LAMTOR2: variants seen among roughly 807,000 people sequenced by gnomAD.
LAMTOR2 encodes ragulator complex protein LAMTOR2.
In LAMTOR2, 4 loss-of-function variants were observed where a neutral mutation model predicts 15.8. That is an observed-to-expected ratio of 0.25 (90% CI 0.12 to 0.58). The LOEUF (loss-of-function observed/expected upper bound fraction) is 0.58. LAMTOR2 is among the 20% of genes least tolerant of loss of function. LAMTOR2 has a pLI of 0.91. For synonymous variants in LAMTOR2, 62 were observed against 64.1 expected, an observed-to-expected ratio of 0.97 and a Z score of 0.15; for missense variants, 100 against 161.0, an observed-to-expected ratio of 0.62 and a Z score of 2.05.
chr1:156,057,942 G>A (rs765662684), intron 2 of LAMTOR2, 36 bp from the exon 3 acceptor site: 14 of 1,598,550 alleles, frequency 8.8e-6, no homozygotes, highest in Non-Finnish European at 1.2e-5. Flanking sequence ...AGGGTGCCAA[G>A]CAGAACATCA....
intron 3 of LAMTOR2, 53 bp downstream of exon 3, chr1:156,058,120 C>T (rs1647432808): frequency 6.4e-7 from 1 of 1,553,596 alleles, no homozygotes; most frequent in African/African-American, 1.4e-5. Flanking sequence ...CGTGCTTCTA[C>T]ACTGTGTTCA....
In LAMTOR2 at chr1:156,055,773, C is replaced by A; in HGVS notation, c.231+348C>A. 1 of 357,250 alleles carries A rather than the reference C, an allele frequency of 2.8e-6. No individual in the cohort carries two copies. The highest frequency in any genetic ancestry group is 5.4e-6 in the Non-Finnish European group (1 of 185,086). 22.1% of individuals were successfully genotyped at this position (357,250 alleles called of 1,614,324 possible). The stretch of plus-strand genomic sequence containing the variant: ...TCCCCTCATGGGTTGTTGTGAAGGT[C>A]AGATGAAATAATGGGTATAAACAGT... On this transcript the variant is annotated intron_variant, in intron 2 of 3. Transcript: ENST00000368305. The surrounding 1 kb of genome is among the most constrained non-coding windows in gnomAD (Gnocchi z 4.8).
In LAMTOR2 at chr1:156,058,002, G is replaced by A. The variant is rs1647429432; in HGVS notation, c.256G>A (p.Val86Met). Reference sequence around the variant, plus strand: ...GGAGGGCCGTGTAGCCATCACCCGAGTGGCCAACCTTCTGCTGTGTATGTA... The same window carrying A: ...GGAGGGCCGTGTAGCCATCACCCGAATGGCCAACCTTCTGCTGTGTATGTA... ...CMEGRVAITR[V>M]ANLLLCMYAK... is the part of the protein sequence containing the mutation. The change falls in exon 3 of 4, where the codon GTG (valine) becomes ATG (methionine). Residue 86 changes from valine (V) to methionine (M), a missense_variant. Transcript: ENST00000368305. The A allele has an allele frequency of 1.9e-6, 3 of 1,614,050 alleles. No homozygotes were observed. The Admixed American group carries it at 5.0e-5, about 27-fold the overall frequency.
chr1:156,055,339 G>T lies in LAMTOR2; in HGVS notation c.145G>T (p.Ala49Ser). ...DTDARVTAAI[A>S]SNIWAAYDRN... The stretch of plus-strand genomic sequence containing the variant: ...TGACGCCCGGGTCACCGCTGCCATA[G>T]CCAGTAACATCTGGGCCGCCTACGA... Residue 49 changes from alanine (A) to serine (S), a missense_variant, in exon 2 of 4, where the codon GCC becomes TCC. Ala to Ser is a moderately conservative substitution (Grantham distance 99). Coordinates refer to ENST00000368305, the MANE Select transcript of LAMTOR2 (RefSeq NM_014017.4). This position sits in a 1 kb window ranked among gnomAD's most constrained non-coding sequence, Gnocchi z 4.8. 6.2e-7 allele frequency: 1 copy of T among 1,614,244 alleles called. No individual in the cohort carries two copies. The highest frequency in any genetic ancestry group is 1.1e-5 in the South Asian group (1 of 91,090).
chr1:156,056,954 C>T (rs985305831), intron 2 of LAMTOR2, among the ~76,000 whole-genome samples: 8 of 151,430 alleles, frequency 5.3e-5, no homozygotes, highest in African/African-American at 1.7e-4. Context: ...CCGAGGCGGG[C>T]GGATCACAAA....
intron 3 of LAMTOR2, 68 bp downstream of exon 3, chr1:156,058,135 C>T (rs1647433345): frequency 6.5e-7 from 1 of 1,529,038 alleles, no homozygotes; most frequent in Non-Finnish European, 9.1e-7. Context: ...TGTTCACTCC[C>T]ACCAGGACCC....
intron 2 of LAMTOR2, among the ~76,000 whole-genome samples, chr1:156,056,940 G>T (rs1474112739): frequency 6.6e-6 from 1 of 152,158 alleles, no homozygotes; most frequent in Non-Finnish European, 1.5e-5. Flanking sequence ...AGCACTTTGG[G>T]AGGCCGAGGC....
chr1:156,055,173 G>A lies in LAMTOR2; in HGVS notation c.69-90G>A. On this transcript the variant is annotated intron_variant, in intron 1 of 3. Coordinates refer to ENST00000368305, the MANE Select transcript of LAMTOR2 (RefSeq NM_014017.4). The surrounding 1 kb of genome is among the most constrained non-coding windows in gnomAD (Gnocchi z 4.8). Reference sequence around the variant, plus strand: ...GACACGCTCAGGCCAGAGCCTTGCTGGATGTGCCCTTGGTGGGACTTGGGA... The same window carrying A: ...GACACGCTCAGGCCAGAGCCTTGCTAGATGTGCCCTTGGTGGGACTTGGGA... The A allele has an allele frequency of 1.3e-6, 2 of 1,555,550 alleles. No individual in the cohort carries two copies. Among genetic ancestry groups the A allele is most frequent in the Non-Finnish European group, 1.8e-6 (2 of 1,134,238 alleles).
At chr1:156,057,737 A>T (rs1446226069) in intron 2 of LAMTOR2, among the ~76,000 whole-genome samples, 2 of 152,158 alleles carry the variant, frequency 1.3e-5, no homozygotes, top group Non-Finnish European at 1.5e-5. Flanking sequence ...GAAAAACTGA[A>T]TTTCTGAGAG....
chr1:156,056,954 CG>C (rs1647389423), intron 2 of LAMTOR2, among the ~76,000 whole-genome samples: 1 of 151,430 alleles, frequency 6.6e-6, no homozygotes, highest in Admixed American at 6.6e-5. Flanking sequence ...CCGAGGCGGG[CG>C]GATCACAAAG....
In LAMTOR2 at chr1:156,055,432, A is replaced by C. The variant is rs750943723; in HGVS notation, c.231+7A>C. On this transcript the variant is annotated splice_region_variant and intron_variant, in intron 2 of 3. Transcript: ENST00000368305. This position sits in a 1 kb window ranked among gnomAD's most constrained non-coding sequence, Gnocchi z 4.8. ...CATCCTCATGGACTGCATGGTATGG[A>C]GAGGGGAGCCAGACTTCCCCTGTCC... 3 of 1,614,180 alleles carry C rather than the reference A, an allele frequency of 1.9e-6. No homozygotes were observed. Among genetic ancestry groups the C allele is most frequent in the Non-Finnish European group, 2.5e-6 (3 of 1,180,030 alleles).
intron 3 of LAMTOR2, 93 bp from the exon 4 acceptor site, chr1:156,058,222 C>T: frequency 6.4e-7 from 1 of 1,561,114 alleles, no homozygotes; most frequent in Non-Finnish European, 8.8e-7. Context: ...GGGTTGGGGG[C>T]TGGTTGCTTC....
Position 156,058,062 on chromosome 1 carries a change from G to C in LAMTOR2, c.316G>C (p.Ala106Pro). ...GACCGTGGGCTTTGGAATGCTCAAG[G>C]CCAAGGTGTGTATGTGCCCATCCCT... ...KETVGFGMLK[A>P]KAQALVQYLE... The change falls in exon 3 of 4, where the codon GCC (alanine) becomes CCC (proline). Residue 106 changes from alanine (A) to proline (P), a missense_variant. Ala to Pro is a conservative substitution (Grantham distance 27). Coordinates refer to ENST00000368305, the MANE Select transcript of LAMTOR2 (RefSeq NM_014017.4). 6.2e-7 allele frequency: 1 copy of C among 1,614,128 alleles called. No individual in the cohort carries two copies. The highest frequency in any genetic ancestry group is 8.5e-7 in the Non-Finnish European group (1 of 1,179,998).
chr1:156,055,177 G>A lies in LAMTOR2; in HGVS notation c.69-86G>A, dbSNP rs1647296987. On this transcript the variant is annotated intron_variant, in intron 1 of 3. Transcript: ENST00000368305. The surrounding 1 kb of genome is among the most constrained non-coding windows in gnomAD (Gnocchi z 4.8). ...CGCTCAGGCCAGAGCCTTGCTGGATGTGCCCTTGGTGGGACTTGGGATGGA... is the reference window on the plus strand; with the variant it reads ...CGCTCAGGCCAGAGCCTTGCTGGATATGCCCTTGGTGGGACTTGGGATGGA... 6.4e-7 allele frequency: 1 copy of A among 1,563,344 alleles called. No homozygotes were observed. The highest frequency in any genetic ancestry group is 1.4e-5 in the African/African-American group (1 of 73,936).
Position 156,055,226 on chromosome 1 carries a change from TCTGAGCACATCGCTATCCCTCCCCGCC to T in LAMTOR2, c.69-35_69-9del. ...GAAACCCAGACGTTTTACTCCCCGC[TCTGAGCACATCGCTATCCCTCCCCGCC>T]CCTCACCAGGCTGCTGAATAACGAG... On this transcript the variant is annotated splice_polypyrimidine_tract_variant and intron_variant, in intron 1 of 3. Transcript: ENST00000368305. The surrounding 1 kb of genome is among the most constrained non-coding windows in gnomAD (Gnocchi z 4.8). The T allele has an allele frequency of 6.2e-7, 1 of 1,611,886 alleles. No homozygotes were observed. Among genetic ancestry groups the T allele is most frequent in the African/African-American group, 1.3e-5 (1 of 75,032 alleles).
intron 3 of LAMTOR2, 90 bp from the exon 4 acceptor site, chr1:156,058,225 G>A (rs1335719704): frequency 6.4e-7 from 1 of 1,574,708 alleles, no homozygotes; most frequent in Non-Finnish European, 8.7e-7. Flanking sequence ...TTGGGGGCTG[G>A]TTGCTTCCTA....
rs1314017776 is a variant in LAMTOR2 at position 156,054,834 on chromosome 1, C to G, written c.-56C>G. Reference sequence around the variant, plus strand: ...CTACGGGAAGCAGCGGGCAGCGGCCCGCGGGAGGCACCTCGGAGATCTGGG... The same window carrying G: ...CTACGGGAAGCAGCGGGCAGCGGCCGGCGGGAGGCACCTCGGAGATCTGGG... On this transcript the variant is annotated 5_prime_UTR_variant, in exon 1 of 4. Coordinates refer to ENST00000368305, the MANE Select transcript of LAMTOR2 (RefSeq NM_014017.4). 1.9e-6 allele frequency: 3 copies of G among 1,574,358 alleles called. No homozygotes were observed. Among genetic ancestry groups the G allele is most frequent in the East Asian group, 4.5e-5 (2 of 43,978 alleles).
Position 156,055,172 on chromosome 1 carries a change from TG to T in LAMTOR2, c.69-89del. On this transcript the variant is annotated intron_variant, in intron 1 of 3. Coordinates refer to ENST00000368305, the MANE Select transcript of LAMTOR2 (RefSeq NM_014017.4). The surrounding 1 kb of genome is among the most constrained non-coding windows in gnomAD (Gnocchi z 4.8). ...GGACACGCTCAGGCCAGAGCCTTGC[TG>T]GATGTGCCCTTGGTGGGACTTGGGA... The T allele has an allele frequency of 6.4e-7, 1 of 1,556,596 alleles. No homozygotes were observed. The highest frequency in any genetic ancestry group is 1.1e-5 in the South Asian group (1 of 89,790).
In LAMTOR2 at chr1:156,055,900, A is replaced by G. The variant is rs1361284658; in HGVS notation, c.231+475A>G. The G allele has an allele frequency of 5.5e-6, 1 of 181,742 alleles. No homozygotes were observed. The highest frequency in any genetic ancestry group is 1.2e-5 in the Non-Finnish European group (1 of 83,406). 11.3% of individuals were successfully genotyped at this position (181,742 alleles called of 1,614,324 possible). A position where few individuals can be genotyped will look rare whatever the true frequency, so the allele number is the denominator to read the frequency against. ...GTCCAACCCCTTAAGCTTTCAAAGA[A>G]AGGAAAATGAAGTCCAGAAAGGGGA... is the stretch of plus-strand genomic sequence containing the variant. On this transcript the variant is annotated intron_variant, in intron 2 of 3. Coordinates refer to ENST00000368305, the MANE Select transcript of LAMTOR2 (RefSeq NM_014017.4). The surrounding 1 kb of genome is among the most constrained non-coding windows in gnomAD (Gnocchi z 4.8).
Sources: allele counts gnomAD v4.1 joint callset (sites outside exome capture counted in the v4.1 genomes callset), GRCh38; gene constraint gnomAD v4.1.1; non-coding constraint Gnocchi (gnomAD v3.1); transcripts MANE v1.5; gene names NCBI Gene and HGNC (gene_info 2026-07-23, HGNC 2026-07-21).